Variants in SORBS2 observed in about 807,000 individuals in gnomAD.
SORBS2 encodes sorbin and SH3 domain containing 2.
SORBS2 carries 46 observed loss-of-function variants against 97.7 expected under a neutral mutation model. The observed-to-expected ratio is 0.47, with a 90% CI of 0.37 to 0.60. The LOEUF (loss-of-function observed/expected upper bound fraction) is 0.60, where lower values mean the gene tolerates loss of function less well. SORBS2 is among the 20% of genes least tolerant of loss of function. The probability of loss-of-function intolerance (pLI) is 0.00; values close to 1 mark genes in which losing one functional copy is unlikely to be tolerated. For missense variants in SORBS2, 1,316 were observed against 1,282.3 expected (o/e 1.03, Z -0.40); for synonymous variants, 476 against 473.4 (o/e 1.01, Z -0.07).
chr4:185,630,907 A>C (rs768386493), intron 4 of SORBS2, among the ~76,000 whole-genome samples: 1 of 152,192 alleles, frequency 6.6e-6, no homozygotes, highest in Non-Finnish European at 1.5e-5. Flanking sequence ...ATAAGAGCTA[A>C]AGTTATCCTA....
chr4:185,744,388 A>G (rs757331200), intron 2 of SORBS2, among the ~76,000 whole-genome samples: 5 of 152,188 alleles, frequency 3.3e-5, no homozygotes, highest in African/African-American at 1.2e-4. Context: ...TGTTTCACTA[A>G]ATCAGCATAT....
chr4:185,954,769 T>C (rs1456228927), intron 1 of SORBS2, among the ~76,000 whole-genome samples: 1 of 151,956 alleles, frequency 6.6e-6, no homozygotes, highest in Admixed American at 6.6e-5. Flanking sequence ...ACAAGACTGG[T>C]CAACATGGCA....
At chr4:185,692,253 C>T (rs1191755880) in intron 2 of SORBS2, among the ~76,000 whole-genome samples, 3 of 152,184 alleles carry the variant, frequency 2.0e-5, no homozygotes, top group South Asian at 4.1e-4. Flanking sequence ...TCCACAAGAA[C>T]CCCCCCGCAC....
intron 1 of SORBS2, among the ~76,000 whole-genome samples, chr4:185,919,927 G>C (rs377630127): frequency 1.3e-5 from 2 of 152,158 alleles, no homozygotes. Flanking sequence ...AAAATCTACC[G>C]CTGTTCTGAA....
At chr4:185,889,612 C>A (rs1391249098) in intron 1 of SORBS2, among the ~76,000 whole-genome samples, 1 of 152,154 alleles carries the variant, frequency 6.6e-6, no homozygotes, top group Non-Finnish European at 1.5e-5. Flanking sequence ...TTTATCTTTT[C>A]ATGTTCCTCT....
chr4:185,807,118 G>A (rs1024212866), intron 1 of SORBS2, among the ~76,000 whole-genome samples: 2 of 151,988 alleles, frequency 1.3e-5, no homozygotes, highest in Non-Finnish European at 2.9e-5. Context: ...GTAGGCAACC[G>A]TATAAATGAA....
chr4:185,925,683 C>G (rs1177246291), intron 1 of SORBS2, among the ~76,000 whole-genome samples: 1 of 152,188 alleles, frequency 6.6e-6, no homozygotes, highest in African/African-American at 2.4e-5. Flanking sequence ...CTGTCAGCAT[C>G]TGCACTGTAT....
intron 1 of SORBS2, among the ~76,000 whole-genome samples, chr4:185,654,148 C>A (rs547189167): frequency 6.6e-5 from 10 of 152,194 alleles, no homozygotes; most frequent in Non-Finnish European, 1.3e-4. Context: ...GTCAGCTCTT[C>A]ATTCTCGGCT....
At chr4:185,645,264 T>G (rs1379577697) in intron 4 of SORBS2, among the ~76,000 whole-genome samples, 1 of 152,228 alleles carries the variant, frequency 6.6e-6, no homozygotes, top group Non-Finnish European at 1.5e-5. Flanking sequence ...TATTTCACTG[T>G]TTTCAATTTT....
chr4:185,596,058 T>G (rs577886529), intron 12 of SORBS2, among the ~76,000 whole-genome samples: 194 of 152,328 alleles, frequency 1.3e-3, no homozygotes, highest in Middle Eastern at 3.4e-3. Context: ...ATAATAAAGT[T>G]ATGAATAAGA....
intron 1 of SORBS2, among the ~76,000 whole-genome samples, chr4:185,925,890 G>C (rs1579525984): frequency 1.3e-5 from 2 of 152,344 alleles, no homozygotes; most frequent in East Asian, 3.9e-4. Context: ...CCATATCACA[G>C]AGCATAGAAG....
At chr4:185,824,404 C>A (rs2099198615) in intron 1 of SORBS2, among the ~76,000 whole-genome samples, 1 of 152,174 alleles carries the variant, frequency 6.6e-6, no homozygotes, top group Non-Finnish European at 1.5e-5. Flanking sequence ...ATGACCCCAT[C>A]TTGCCTTGTT....
intron 4 of SORBS2, chr4:185,677,670 T>G: frequency 4.1e-6 from 6 of 1,449,396 alleles, no homozygotes; most frequent in Admixed American, 2.7e-5. Context: ...GAGAAAGAAA[T>G]AAAGTTGAAA....
intron 11 of SORBS2, among the ~76,000 whole-genome samples, chr4:185,612,935 T>A (rs2096564441): frequency 1.3e-5 from 2 of 152,208 alleles, no homozygotes; most frequent in Admixed American, 6.5e-5. Flanking sequence ...CCAGCATCCA[T>A]CTGAGTAGTT....
At chr4:185,840,050 C>G (rs773936295) in intron 1 of SORBS2, among the ~76,000 whole-genome samples, 4 of 152,152 alleles carry the variant, frequency 2.6e-5, no homozygotes, top group Non-Finnish European at 5.9e-5. Flanking sequence ...CAGCACAGCT[C>G]CACGCAGAGT....
intron 1 of SORBS2, among the ~76,000 whole-genome samples, chr4:185,833,247 T>C (rs776165253): frequency 6.6e-6 from 1 of 152,230 alleles, no homozygotes; most frequent in African/African-American, 2.4e-5. Context: ...ACAGCTACAA[T>C]AGCAGGGCTG....
In SORBS2 at chr4:185,857,564, T is replaced by C. The variant is rs557994939; in HGVS notation, c.-337-82198A>G. On this transcript the variant is annotated intron_variant, in intron 1 of 20. Coordinates refer to the SORBS2 transcript ENST00000284776. Reference sequence around the variant, plus strand: ...GTGATTTTCAGGGAACAAGGAAAGATAACCATAAGGTCTGACTGCCTGTGG... The same window carrying C: ...GTGATTTTCAGGGAACAAGGAAAGACAACCATAAGGTCTGACTGCCTGTGG... Among the ~76,000 whole-genome samples the C allele has an allele frequency of 5.3e-5, 8 of 152,316 alleles. No individual in the cohort carries two copies. In the South Asian group the frequency reaches 1.7e-3, roughly 32 times the overall value.
At chr4:185,777,569 AG>A (rs2099006076) in intron 1 of SORBS2, among the ~76,000 whole-genome samples, 1 of 152,230 alleles carries the variant, frequency 6.6e-6, no homozygotes, top group African/African-American at 2.4e-5. Flanking sequence ...GAGTTGTCAT[AG>A]GGCTCATAGG....
At chr4:185,589,719 G>A in exon 14 of SORBS2, 1 of 1,612,800 alleles carries the variant, frequency 6.2e-7, no homozygotes, top group Non-Finnish European at 8.5e-7. Flanking sequence ...TGACATCAAT[G>A]ACATCACTTT....
Sources: gnomAD v4.1 joint callset for allele counts (sites outside exome capture counted in the v4.1 genomes callset) on GRCh38, gnomAD v4.1.1 for gene constraint, MANE v1.5 for transcripts, NCBI Gene and HGNC (gene_info 2026-07-23, HGNC 2026-07-21) for gene names.